NLGN4X: variants seen among roughly 807,000 people sequenced by gnomAD.
NLGN4X encodes the protein neuroligin 4 X-linked, also known as neuroligin-4, X-linked.
In NLGN4X, 3 loss-of-function variants were observed where a neutral mutation model predicts 40.3. The ratio of observed to expected loss-of-function variants is 0.07; its 90% CI spans 0.03 to 0.19. NLGN4X has a LOEUF of 0.19. NLGN4X is among the 10% of genes least tolerant of loss of function. The probability of loss-of-function intolerance (pLI) is 1.00; values close to 1 mark genes in which losing one functional copy is unlikely to be tolerated. For synonymous variants in NLGN4X, 270 were observed against 306.8 expected (o/e 0.88, Z 1.25); for missense variants, 382 against 708.3 (o/e 0.54, Z 5.23).
intron 2 of NLGN4X, among the ~76,000 whole-genome samples, chrX:6,129,391 G>A (rs1225618557): frequency 9.0e-6 from 1 of 111,488 alleles, no homozygotes; most frequent in Non-Finnish European, 1.9e-5. Flanking sequence ...GTGTGGACCA[G>A]AGAGTACACA....
chrX:5,929,802 G>A (rs1300818119), intron 3 of NLGN4X, among the ~76,000 whole-genome samples: 4 of 112,564 alleles, frequency 3.6e-5, no homozygotes, highest in Non-Finnish European at 7.5e-5. Flanking sequence ...GCCTTCATAA[G>A]GCAATGAAGA....
At chrX:5,925,879 C>CATATATATATATATATATATAT (rs2033268045) in intron 3 of NLGN4X, among the ~76,000 whole-genome samples, 2 of 46,806 alleles carry the variant, frequency 4.3e-5, no homozygotes, top group South Asian at 1.5e-3. Context: ...TATACATACA[C>CATATATATATATATATATATAT]ACATATATAT....
intron 2 of NLGN4X, among the ~76,000 whole-genome samples, chrX:6,052,920 C>A (rs2037528963): frequency 8.9e-6 from 1 of 111,939 alleles, no homozygotes; most frequent in African/African-American, 3.2e-5. Flanking sequence ...GTTTTGAAAA[C>A]GTTTCTCTGG....
intron 1 of NLGN4X, among the ~76,000 whole-genome samples, chrX:6,168,504 A>G (rs1258633317): frequency 8.9e-6 from 1 of 112,550 alleles, no homozygotes; most frequent in Non-Finnish European, 1.9e-5. Context: ...TAATTCTCCA[A>G]TAACTGGTTT....
intron 3 of NLGN4X, among the ~76,000 whole-genome samples, chrX:5,919,594 CA>C (rs1195247551): frequency 9.0e-6 from 1 of 111,295 alleles, no homozygotes; most frequent in East Asian, 2.8e-4. Context: ...CTACCACTCA[CA>C]TTACCACCTG....
chrX:5,958,340 A>T (rs374658840), intron 3 of NLGN4X, among the ~76,000 whole-genome samples: 300 of 98,407 alleles, frequency 3.0e-3, no homozygotes, highest in African/African-American at 0.015. Flanking sequence ...TCTTTTTGTT[A>T]AAAAAAAATC....
At chrX:6,161,773 A>G (rs907987143) in intron 1 of NLGN4X, among the ~76,000 whole-genome samples, 13 of 110,231 alleles carry the variant, frequency 1.2e-4, no homozygotes, top group Non-Finnish European at 7.6e-5. Flanking sequence ...ATACGTGGAA[A>G]GAGAGAGAGG....
intron 1 of NLGN4X, among the ~76,000 whole-genome samples, chrX:6,170,298 A>T (rs1021746933): frequency 1.8e-5 from 2 of 111,770 alleles, no homozygotes; most frequent in African/African-American, 6.5e-5. Context: ...AGCTACCTAG[A>T]TCCATGCTTC....
At chrX:5,902,533 T>A (rs1170581431) in intron 5 of NLGN4X, among the ~76,000 whole-genome samples, 4 of 103,926 alleles carry the variant, frequency 3.8e-5, no homozygotes, top group South Asian at 8.7e-4. Context: ...AAAAAAAAAA[T>A]TAAAAATTAG....
At position 5,904,076 on chromosome X, in the gene NLGN4X, T is replaced by TAC. The variant is rs368748482; in HGVS notation, c.812-212_812-211dup. Among the ~76,000 whole-genome samples the TAC allele has an allele frequency of 3.8e-3, 414 of 108,483 alleles. 2 individuals are homozygous for TAC. The highest frequency in any genetic ancestry group is 8.1e-3 in the African/African-American group (243 of 29,981). 94.2% of individuals were successfully genotyped at this position (108,483 alleles called of 115,157 possible). A position where few individuals can be genotyped will look rare whatever the true frequency, so the allele number is the denominator to read the frequency against. On this transcript the variant is annotated intron_variant, in intron 4 of 5. Transcript: ENST00000381095. ...ACATTCATTTTAGGGAATGTTATTC[T>TAC]ACACACACACACACACACACGAGTT... is the stretch of plus-strand genomic sequence containing the variant.
chrX:6,086,205 A>G (rs72609507), intron 2 of NLGN4X, among the ~76,000 whole-genome samples: 5,493 of 111,725 alleles, frequency 0.049, 127 homozygotes, highest in East Asian at 0.15. Context: ...AATTAATGTA[A>G]AAATTAAAGT....
intron 2 of NLGN4X, among the ~76,000 whole-genome samples, chrX:6,139,983 T>A (rs142150322): frequency 8.9e-6 from 1 of 111,867 alleles, no homozygotes; most frequent in African/African-American, 3.2e-5. Context: ...GAGGCTAAAG[T>A]CCATATGTGA....
chrX:6,085,977 T>C (rs187911415), intron 2 of NLGN4X, among the ~76,000 whole-genome samples: 148 of 112,420 alleles, frequency 1.3e-3, no homozygotes, highest in Non-Finnish European at 2.4e-3. Flanking sequence ...GAGAAGCCCA[T>C]GTATTTTGTC....
chrX:6,160,261 C>A (rs934585622), intron 1 of NLGN4X, among the ~76,000 whole-genome samples: 4 of 111,715 alleles, frequency 3.6e-5, no homozygotes, highest in Non-Finnish European at 7.5e-5. Context: ...CATGTACCCA[C>A]AAATATATAC....
intron 3 of NLGN4X, among the ~76,000 whole-genome samples, chrX:5,964,464 C>A (rs776662211): frequency 9.0e-6 from 1 of 111,657 alleles, no homozygotes; most frequent in African/African-American, 3.2e-5. Context: ...AAAATTAATG[C>A]CCTCAAAGCA....
chrX:5,906,036 TATA>T (rs765322658), intron 4 of NLGN4X, among the ~76,000 whole-genome samples: 1,148 of 111,883 alleles, frequency 0.01, 13 homozygotes, highest in Middle Eastern at 0.028. Context: ...GATGCAAAAG[TATA>T]ATAATTTCCA....
Position 5,893,703 on chromosome X carries a change from T to C in NLGN4X, c.1602-37A>G, listed in dbSNP as rs775971622. On this transcript the variant is annotated intron_variant, in intron 5 of 5. Coordinates refer to ENST00000381095, the MANE Select transcript of NLGN4X (RefSeq NM_181332.3). Reference sequence around the variant, plus strand: ...AGGAAGAAAAAAAGAAAGGTCATACTCTTCCACATGTGACGTGAAATTATC... The same window carrying C: ...AGGAAGAAAAAAAGAAAGGTCATACCCTTCCACATGTGACGTGAAATTATC... 9 of 1,202,915 alleles carry C rather than the reference T, an allele frequency of 7.5e-6. No individual in the cohort carries two copies. In the South Asian group the frequency reaches 1.2e-4, roughly 17 times the overall value.
intron 2 of NLGN4X, among the ~76,000 whole-genome samples, chrX:6,100,053 T>C (rs2038871580): frequency 8.9e-6 from 1 of 112,561 alleles, no homozygotes; most frequent in Non-Finnish European, 1.9e-5. Context: ...TTATAGATTA[T>C]AGATAACTAA....
chrX:5,900,385 T>G (rs142764647), intron 5 of NLGN4X, among the ~76,000 whole-genome samples: 1 of 108,839 alleles, frequency 9.2e-6, no homozygotes, highest in Non-Finnish European at 1.9e-5. Flanking sequence ...ACCTGCAAGG[T>G]AGGAATGCCA....
Sources: allele counts gnomAD v4.1 joint callset (sites outside exome capture counted in the v4.1 genomes callset), GRCh38; gene constraint gnomAD v4.1.1; transcripts MANE v1.5; gene names NCBI Gene and HGNC (gene_info 2026-07-23, HGNC 2026-07-21).